The following NPNT variants were observed in gnomAD, a reference collection of about 807,000 sequenced individuals.
NPNT encodes the protein nephronectin.
A neutral mutation model predicts 68.6 loss-of-function variants in NPNT; 45 were observed. That is an observed-to-expected ratio of 0.66 (90% CI 0.52 to 0.84). The LOEUF (loss-of-function observed/expected upper bound fraction) is 0.84. Ranked by LOEUF, NPNT falls within the 40% of genes least tolerant of loss-of-function variation. The pLI is 0.00. For synonymous variants in NPNT, 233 were observed against 253.3 expected, an observed-to-expected ratio of 0.92 and a Z score of 0.76; for missense variants, 672 against 714.8, an observed-to-expected ratio of 0.94 and a Z score of 0.68.
At chr4:105,943,592 A>G (rs1476782630) in intron 8 of NPNT, among the ~76,000 whole-genome samples, 2 of 152,154 alleles carry the variant, frequency 1.3e-5, no homozygotes. Context: ...GAAGGAGGAA[A>G]AGGTTGTTAA....
chr4:105,908,423 A>G (rs979824584), intron 2 of NPNT, among the ~76,000 whole-genome samples: 5 of 152,178 alleles, frequency 3.3e-5, no homozygotes, highest in African/African-American at 1.2e-4. Flanking sequence ...CCTTTTGTAG[A>G]TGTTATTCAC....
chr4:105,907,554 T>C (rs1299745848), intron 2 of NPNT, among the ~76,000 whole-genome samples: 1 of 151,864 alleles, frequency 6.6e-6, no homozygotes, highest in Non-Finnish European at 1.5e-5. Flanking sequence ...AAACAAATGA[T>C]CAGTCCTCAA....
At chr4:105,940,769 G>C (rs1202708305) in intron 7 of NPNT, 133 bp downstream of exon 7, 1 of 801,858 alleles carries the variant, frequency 1.2e-6, no homozygotes, top group African/African-American at 1.7e-5. Context: ...ATTTGTCTTT[G>C]ATTTCCACAA....
At chr4:105,948,982 C>T (rs1392043977) in intron 8 of NPNT, among the ~76,000 whole-genome samples, 1 of 152,062 alleles carries the variant, frequency 6.6e-6, no homozygotes, top group African/African-American at 2.4e-5. Flanking sequence ...CAGGGCTAAT[C>T]CGGTGGGCAT....
At chr4:105,958,287 G>C (rs1731397342) in intron 8 of NPNT, among the ~76,000 whole-genome samples, 184 bp from the exon 9 acceptor site, 1 of 152,142 alleles carries the variant, frequency 6.6e-6, no homozygotes, top group Admixed American at 6.6e-5. Flanking sequence ...GATCAAGGTT[G>C]CAGTATAAAT....
Position 105,971,261 on chromosome 4 carries a change from T to C in NPNT, c.*2271T>C. On this transcript the variant is annotated 3_prime_UTR_variant, in exon 12 of 12. Coordinates refer to ENST00000379987, the MANE Select transcript of NPNT (RefSeq NM_001033047.3). ...TTCACCTCATCAGTATGATTCAGTT[T>C]CTCTTATCAATTGGACTCTCCCAGG... 1 of 413,928 alleles carries C rather than the reference T, an allele frequency of 2.4e-6. No homozygotes were observed. 25.6% of individuals were successfully genotyped at this position (413,928 alleles called of 1,614,324 possible).
intron 8 of NPNT, among the ~76,000 whole-genome samples, chr4:105,956,198 G>A (rs1280540234): frequency 2.0e-5 from 3 of 151,842 alleles, no homozygotes; most frequent in African/African-American, 4.8e-5. Flanking sequence ...ATCCCATGCC[G>A]CTTTCTTCAT....
rs1560881033 is a variant in NPNT at position 105,897,966 on chromosome 4, G to T, written c.137G>T (p.Trp46Leu). 1.2e-6 allele frequency: 2 copies of T among 1,613,046 alleles called. No individual in the cohort carries two copies. Among genetic ancestry groups the T allele is most frequent in the South Asian group, 2.2e-5 (2 of 90,842 alleles). The change falls in exon 2 of 12, where the codon TGG becomes TTG. Residue 46 changes from tryptophan to leucine, a missense_variant. By Grantham distance (61) the Trp-to-Leu change is moderately conservative. Transcript: ENST00000379987. ...CRYGGRIDCC[W>L]GWARQSWGQC... Reference sequence around the variant, plus strand: ...TATGGTGGGAGGATTGACTGCTGCTGGGGCTGGGCTCGCCAGTCTTGGGGA... The same window carrying T: ...TATGGTGGGAGGATTGACTGCTGCTTGGGCTGGGCTCGCCAGTCTTGGGGA...
intron 2 of NPNT, among the ~76,000 whole-genome samples, chr4:105,914,888 T>C (rs1158685511): frequency 6.6e-6 from 1 of 152,116 alleles, no homozygotes; most frequent in Non-Finnish European, 1.5e-5. Context: ...AGAGACGCAG[T>C]GGGAGAAGTG....
In NPNT at chr4:105,895,590, G is replaced by C; in HGVS notation, c.-63G>C. The C allele has an allele frequency of 7.2e-7, 1 of 1,398,364 alleles. No homozygotes were observed. Among genetic ancestry groups the C allele is most frequent in the Non-Finnish European group, 9.8e-7 (1 of 1,016,516 alleles). The allele number at this position is 1,398,364 out of a possible 1,614,324, so 86.6% of individuals were successfully genotyped here. A position where few individuals can be genotyped will look rare whatever the true frequency, so the allele number is the denominator to read the frequency against. ...TCTCAGAGGGGCGCCTCCCATCGGC[G>C]CCCACCACCCCAACCTGTTCCTCGC... On this transcript the variant is annotated 5_prime_UTR_variant, in exon 1 of 12. Coordinates refer to ENST00000379987, the MANE Select transcript of NPNT (RefSeq NM_001033047.3).
chr4:105,962,771 C>T (rs1161922613), intron 10 of NPNT, among the ~76,000 whole-genome samples: 2 of 152,002 alleles, frequency 1.3e-5, no homozygotes, highest in South Asian at 2.1e-4. Context: ...AGAATTATAA[C>T]CCAGCACTGA....
intron 8 of NPNT, among the ~76,000 whole-genome samples, chr4:105,943,017 T>C (rs1213334328): frequency 2.6e-5 from 4 of 152,262 alleles, no homozygotes; most frequent in African/African-American, 9.6e-5. Flanking sequence ...CTGTATTCCA[T>C]GCTATGTTAC....
At chr4:105,950,134 T>A (rs945886524) in intron 8 of NPNT, among the ~76,000 whole-genome samples, 2 of 152,232 alleles carry the variant, frequency 1.3e-5, no homozygotes, top group African/African-American at 4.8e-5. Context: ...AAAAATTCAT[T>A]GAAGGTTTTA....
intron 2 of NPNT, among the ~76,000 whole-genome samples, chr4:105,921,112 G>A (rs529428691): frequency 3.9e-5 from 6 of 152,066 alleles, no homozygotes; most frequent in East Asian, 3.9e-4. Context: ...GCAACTTTTC[G>A]CTCCTTTTAA....
At chr4:105,951,438 T>TG (rs1337473182) in intron 8 of NPNT, among the ~76,000 whole-genome samples, 1 of 152,194 alleles carries the variant, frequency 6.6e-6, no homozygotes. Context: ...TTCTACAGAT[T>TG]TTACAGAGTC....
intron 2 of NPNT, among the ~76,000 whole-genome samples, chr4:105,898,302 CTCTCTCTCTG>C (rs1726062713): frequency 1.6e-5 from 2 of 126,582 alleles, no homozygotes; most frequent in Non-Finnish European, 3.2e-5. Context: ...CTCTCTCTCT[CTCTCTCTCTG>C]TCTCTCTCTC....
intron 2 of NPNT, chr4:105,912,704 C>T (rs574658858): frequency 1.6e-4 from 47 of 294,520 alleles, no homozygotes; most frequent in African/African-American, 6.1e-4. Context: ...ATAGCACTTA[C>T]GGGCATTTAT....
chr4:105,896,151 C>T (rs1251329465), intron 1 of NPNT, among the ~76,000 whole-genome samples: 2 of 152,188 alleles, frequency 1.3e-5, no homozygotes, highest in East Asian at 1.9e-4. Flanking sequence ...GAGGCCCGGG[C>T]TCTGCTCAGG....
chr4:105,917,659 G>A (rs1727928110), intron 2 of NPNT, among the ~76,000 whole-genome samples: 1 of 152,196 alleles, frequency 6.6e-6, no homozygotes, highest in South Asian at 2.1e-4. Context: ...AACTCAGCAT[G>A]AGGCGTGAAA....
Sources: gnomAD v4.1 joint callset for allele counts (sites outside exome capture counted in the v4.1 genomes callset) on GRCh38, gnomAD v4.1.1 for gene constraint, MANE v1.5 for transcripts, NCBI Gene and HGNC (gene_info 2026-07-23, HGNC 2026-07-21) for gene names.